The following DUSP13A variants were observed in gnomAD, a reference collection of about 807,000 sequenced individuals.
DUSP13A encodes the protein dual specificity phosphatase 13A, also known as dual specificity protein phosphatase 13A.
the DUSP13A span, among the ~76,000 whole-genome samples, chr10:75,106,453 G>A: frequency 6.6e-6 from 1 of 152,096 alleles, no homozygotes; most frequent in Non-Finnish European, 1.5e-5. Context: ...TCATCCACCA[G>A]GTTTTGGCTG....
the DUSP13A span, chr10:75,108,096 A>G: frequency 1.2e-6 from 2 of 1,613,726 alleles, no homozygotes; most frequent in African/African-American, 1.3e-5. Context: ...CAGGTAGCTC[A>G]CACTGCTGCC....
At chr10:75,108,402 G>T in the DUSP13A span, 2 of 1,025,610 alleles carry the variant, frequency 2.0e-6, no homozygotes, top group Non-Finnish European at 2.7e-6. Context: ...CTGAGCCGGC[G>T]GTGTGTGTGT....
chr10:75,108,329 A>G, the DUSP13A span: 2 of 1,455,514 alleles, frequency 1.4e-6, no homozygotes, highest in East Asian at 2.4e-5. Context: ...GTCCAACCCC[A>G]GCAAGCTCCA....
At chr10:75,108,082 C>A in the DUSP13A span, 2 of 1,613,914 alleles carry the variant, frequency 1.2e-6, no homozygotes, top group South Asian at 2.2e-5. Flanking sequence ...TGGGCTGGCA[C>A]CCCCAGGTAG....
chr10:75,107,346 G>GAAA, the DUSP13A span, among the ~76,000 whole-genome samples: 1 of 116,250 alleles, frequency 8.6e-6, no homozygotes, highest in East Asian at 2.4e-4. Flanking sequence ...CTCTGTCTCA[G>GAAA]AAAAAAAAAA....
chr10:75,108,246 G>A, the DUSP13A span: 1 of 1,563,242 alleles, frequency 6.4e-7, no homozygotes. Context: ...TGCCGGCCAA[G>A]CCATGGGACC....
At chr10:75,108,191 G>T in the DUSP13A span, 1 of 1,606,712 alleles carries the variant, frequency 6.2e-7, no homozygotes, top group South Asian at 1.1e-5. Flanking sequence ...ACAGCTCAAA[G>T]CGGTTGTTTG....
At chr10:75,106,007 C>A in the DUSP13A span, 6 of 740,582 alleles carry the variant, frequency 8.1e-6, no homozygotes, top group Admixed American at 1.5e-4. Context: ...CCTTTATGGA[C>A]CTCAGTTTCC....
the DUSP13A span, chr10:75,105,699 G>A: frequency 1.3e-6 from 2 of 1,550,984 alleles, no homozygotes; most frequent in Non-Finnish European, 1.7e-6. Flanking sequence ...GCAGTTGCTG[G>A]TCCAGCCTGC....
the DUSP13A span, chr10:75,109,095 G>A: frequency 3.1e-6 from 5 of 1,612,282 alleles, 1 homozygote; most frequent in South Asian, 5.5e-5. Flanking sequence ...CCAGCTCCAG[G>A]ATGCTGGGGC....
At chr10:75,108,922 G>C in the DUSP13A span, 1 of 1,495,400 alleles carries the variant, frequency 6.7e-7, no homozygotes, top group South Asian at 1.3e-5. Context: ...ATTTCTCCTT[G>C]TTTCCACCCT....
At chr10:75,109,038 T>A in the DUSP13A span, 1 of 1,610,962 alleles carries the variant, frequency 6.2e-7, no homozygotes, top group African/African-American at 1.3e-5. Context: ...TGGGCCAAAC[T>A]TCGTCCACAC....
chr10:75,108,071 G>A, the DUSP13A span: 26 of 1,613,898 alleles, frequency 1.6e-5, no homozygotes, highest in East Asian at 4.5e-5. Context: ...CAGGGAGGTC[G>A]TGGGCTGGCA....
the DUSP13A span, chr10:75,109,139 G>T: frequency 1.9e-6 from 3 of 1,600,646 alleles, no homozygotes; most frequent in East Asian, 6.9e-5. Flanking sequence ...CCCAGCTCTG[G>T]GAGAGAGGTC....
At chr10:75,108,077 T>C in the DUSP13A span, 1 of 1,613,830 alleles carries the variant, frequency 6.2e-7, no homozygotes, top group African/African-American at 1.3e-5. Context: ...GGTCGTGGGC[T>C]GGCACCCCCA....
At chr10:75,108,860 C>G in the DUSP13A span, 1 of 1,056,292 alleles carries the variant, frequency 9.5e-7, no homozygotes, top group East Asian at 3.1e-5. Flanking sequence ...GACCTCAGCA[C>G]CCCCGGGGGT....
At chr10:75,108,000 G>T in the DUSP13A span, 5 of 1,612,258 alleles carry the variant, frequency 3.1e-6, no homozygotes, top group Non-Finnish European at 4.2e-6. Context: ...ACCCCCAGGC[G>T]TGTTGAGGGC....
chr10:75,107,194 G>T, the DUSP13A span, among the ~76,000 whole-genome samples: 2 of 152,070 alleles, frequency 1.3e-5, no homozygotes, highest in Non-Finnish European at 2.9e-5. Flanking sequence ...AATTAGCCGG[G>T]TATGGTGGCG....
the DUSP13A span, chr10:75,105,779 G>T: frequency 6.4e-7 from 1 of 1,551,410 alleles, no homozygotes; most frequent in South Asian, 1.2e-5. Flanking sequence ...ACCGCCTGGC[G>T]CAGGGACAGC....
Sources: allele counts gnomAD v4.1 joint callset (sites outside exome capture counted in the v4.1 genomes callset), GRCh38; gene constraint gnomAD v4.1.1; transcripts MANE v1.5; gene names NCBI Gene and HGNC (gene_info 2026-07-23, HGNC 2026-07-21).